UGT2A1: variants seen among roughly 807,000 people sequenced by gnomAD.
UGT2A1 encodes the protein UDP glucuronosyltransferase family 2 member A1 complex locus.
UGT2A1 carries 61 observed loss-of-function variants against 45.4 expected under a neutral mutation model. That is an observed-to-expected ratio of 1.34 (90% CI 1.09 to 1.66). The LOEUF is 1.66. Ranked by LOEUF, UGT2A1 falls within the 40% of genes most tolerant of loss-of-function variation. The probability of loss-of-function intolerance (pLI) is 0.00; values close to 1 mark genes in which losing one functional copy is unlikely to be tolerated. For synonymous variants in UGT2A1, 229 were observed against 196.2 expected (o/e 1.17, Z -1.40); for missense variants, 649 against 574.3 (o/e 1.13, Z -1.33).
intron 1 of UGT2A1, among the ~76,000 whole-genome samples, chr4:69,649,997 G>A (rs527991099): frequency 1.3e-5 from 2 of 152,056 alleles, no homozygotes; most frequent in South Asian, 4.2e-4. Flanking sequence ...TGTGCCATAT[G>A]AAAATTAAAC....
intron 3 of UGT2A1, among the ~76,000 whole-genome samples, chr4:69,603,810 G>C (rs531755389): frequency 1.5e-5 from 2 of 135,334 alleles, no homozygotes; most frequent in Admixed American, 7.3e-5. Flanking sequence ...TGGAAGAAAG[G>C]GTATCAGTGA....
At chr4:69,607,465 C>T (rs1411456901) in intron 3 of UGT2A1, among the ~76,000 whole-genome samples, 14 of 151,916 alleles carry the variant, frequency 9.2e-5, no homozygotes, top group African/African-American at 3.4e-4. Context: ...CCATAAAAAC[C>T]CTAGAAGAAA....
rs2109944228 is a variant in UGT2A1 at position 69,625,348 on chromosome 4, G to A, written c.847+10343C>T. Among the ~76,000 whole-genome samples, 2 of 150,642 alleles carry A rather than the reference G, an allele frequency of 1.3e-5. 1 individual carries two copies. Among genetic ancestry groups the A allele is most frequent in the Non-Finnish European group, 3.0e-5 (2 of 67,278 alleles). On this transcript the variant is annotated intron_variant, in intron 3 of 6. Transcript: ENST00000286604. ...GAATTCACCAAATTTGAAAAATTTG[G>A]GGCCATTATTTATTTTAATATTTTT...
intron 3 of UGT2A1, among the ~76,000 whole-genome samples, chr4:69,601,424 A>C (rs1719288340): frequency 6.6e-6 from 1 of 152,136 alleles, no homozygotes; most frequent in South Asian, 2.1e-4. Flanking sequence ...TAAGGCAAGC[A>C]CAAAACTCAC....
At chr4:69,651,099 T>G (rs1722504018) in intron 1 of UGT2A1, among the ~76,000 whole-genome samples, 1 of 152,106 alleles carries the variant, frequency 6.6e-6, no homozygotes, top group African/African-American at 2.4e-5. Context: ...CTCAGAAATA[T>G]GATCAGTATT....
chr4:69,594,453 G>T, intron 6 of UGT2A1, 24 bp downstream of exon 6: 1 of 1,608,012 alleles, frequency 6.2e-7, no homozygotes, highest in Non-Finnish European at 8.5e-7. Context: ...AGTTAGGCAA[G>T]TTTTTAGGAG....
chr4:69,647,687 TG>T lies in UGT2A1; in HGVS notation c.-44del. 1.5e-6 allele frequency: 2 copies of T among 1,323,034 alleles called. No homozygotes were observed. Among genetic ancestry groups the T allele is most frequent in the African/African-American group, 3.0e-5 (2 of 66,784 alleles). The allele number at this position is 1,323,034 out of a possible 1,614,324, so 82.0% of individuals were successfully genotyped here. A position where few individuals can be genotyped will look rare whatever the true frequency, so the allele number is the denominator to read the frequency against. On this transcript the variant is annotated 5_prime_UTR_variant, in exon 2 of 7. Transcript: ENST00000286604. Reference sequence around the variant, plus strand: ...AAGATTTGATGAGATGTGAAGCAAATGTTTTTCTCTGCTTTTAAAGAAAAAA... The same window carrying T: ...AAGATTTGATGAGATGTGAAGCAAATTTTTTCTCTGCTTTTAAAGAAAAAA...
At chr4:69,646,093 T>G (rs1370971363) in intron 2 of UGT2A1, among the ~76,000 whole-genome samples, 2 of 151,876 alleles carry the variant, frequency 1.3e-5, no homozygotes, top group Non-Finnish European at 2.9e-5. Context: ...ATTCACATAA[T>G]AAATATTCCT....
rs1438961996 is a variant in UGT2A1, at chr4:69,596,246, T to C, written c.997-997A>G. ...TGTGTACCAGGATTCCAGGCTGTAC[T>C]GACCTTCTGTGGAATCTGGGCAAGG... On this transcript the variant is annotated intron_variant, in intron 4 of 6. Transcript: ENST00000286604. 4 of 1,569,780 alleles carry C rather than the reference T, an allele frequency of 2.5e-6. 1 individual carries two copies. The highest frequency in any genetic ancestry group is 2.4e-5 in the South Asian group (2 of 83,356).
intron 3 of UGT2A1, among the ~76,000 whole-genome samples, chr4:69,613,393 T>C (rs906106915): frequency 1.3e-5 from 2 of 151,984 alleles, no homozygotes; most frequent in African/African-American, 4.8e-5. Context: ...ACTGTTGAAT[T>C]CTACCAAACA....
intron 1 of UGT2A1, among the ~76,000 whole-genome samples, chr4:69,651,835 A>G (rs1722538636): frequency 6.6e-6 from 1 of 152,190 alleles, no homozygotes; most frequent in Non-Finnish European, 1.5e-5. Context: ...CATATATACA[A>G]CTTCCTAAAC....
intron 3 of UGT2A1, among the ~76,000 whole-genome samples, chr4:69,604,060 C>G (rs1481716874): frequency 7.3e-6 from 1 of 136,102 alleles, no homozygotes; most frequent in Non-Finnish European, 1.6e-5. Context: ...TCAGGAAATA[C>G]AGAGAACGCC....
chr4:69,650,131 T>G (rs1722455429), intron 1 of UGT2A1, among the ~76,000 whole-genome samples: 1 of 152,010 alleles, frequency 6.6e-6, no homozygotes, highest in African/African-American at 2.4e-5. Flanking sequence ...CACTCCAACC[T>G]CACCTTTGAT....
chr4:69,636,595 A>G (rs1328402990), intron 2 of UGT2A1, among the ~76,000 whole-genome samples: 1 of 152,148 alleles, frequency 6.6e-6, no homozygotes, highest in Non-Finnish European at 1.5e-5. Context: ...ACACTTATCT[A>G]ATTTGTTATG....
At chr4:69,599,889 C>T (rs1446359778) in intron 3 of UGT2A1, 1 of 152,752 alleles carries the variant, frequency 6.5e-6, no homozygotes, top group African/African-American at 2.4e-5. Flanking sequence ...ACAAATTAAA[C>T]ATTCATTTTC....
chr4:69,623,667 C>G (rs28522985), intron 3 of UGT2A1, among the ~76,000 whole-genome samples: 53,130 of 150,902 alleles, frequency 0.35, 9,715 homozygotes, highest in African/African-American at 0.43. Context: ...ATAAAAAATT[C>G]TATAGTAATA....
chr4:69,626,045 C>T (rs1020197432), intron 3 of UGT2A1, among the ~76,000 whole-genome samples: 10 of 151,460 alleles, frequency 6.6e-5, no homozygotes, highest in Non-Finnish European at 1.3e-4. Context: ...TGACTGTGAA[C>T]TTGTCTGTTT....
In UGT2A1 at chr4:69,605,508, A is replaced by T. The variant is rs998651289; in HGVS notation, c.848-6114T>A. ...TTGACACCCCAACATCACAATTGAAAGAACTAGAGAAGCAAGAGCATAACA... is the reference window on the plus strand; with the variant it reads ...TTGACACCCCAACATCACAATTGAATGAACTAGAGAAGCAAGAGCATAACA... On this transcript the variant is annotated intron_variant, in intron 3 of 6. Coordinates refer to ENST00000286604, the MANE Select transcript of UGT2A1 (RefSeq NM_001252275.3). 9.5e-5 allele frequency among the ~76,000 whole-genome samples: 13 copies of T among 136,902 alleles called. 1 individual carries two copies. The highest frequency in any genetic ancestry group is 3.8e-4 in the African/African-American group (13 of 33,770). The allele number at this position is 136,902 out of a possible 152,430, so 89.8% of individuals were successfully genotyped here. A position where few individuals can be genotyped will look rare whatever the true frequency, so the allele number is the denominator to read the frequency against.
chr4:69,617,658 C>T (rs1400874094), intron 3 of UGT2A1, among the ~76,000 whole-genome samples: 1 of 151,620 alleles, frequency 6.6e-6, no homozygotes, highest in African/African-American at 2.4e-5. Context: ...ATTTCATTAG[C>T]AACATACAGG....
Sources: gnomAD v4.1 joint callset for allele counts (sites outside exome capture counted in the v4.1 genomes callset) on GRCh38, gnomAD v4.1.1 for gene constraint, MANE v1.5 for transcripts, NCBI Gene and HGNC (gene_info 2026-07-23, HGNC 2026-07-21) for gene names.